The following TFAP2E variants were observed in gnomAD, a reference collection of about 807,000 sequenced individuals.
The protein encoded by TFAP2E is transcription factor AP-2 epsilon, also known as transcription factor AP-2-epsilon.
A neutral mutation model predicts 37.9 loss-of-function variants in TFAP2E; 30 were observed. The observed-to-expected ratio is 0.79, with a 90% CI of 0.59 to 1.07. The LOEUF (loss-of-function observed/expected upper bound fraction) is 1.07. Ranked by LOEUF, TFAP2E falls within the 50% of genes least tolerant of loss-of-function variation. The pLI is 0.00. For missense variants in TFAP2E, 567 were observed against 637.9 expected (o/e 0.89, Z 1.20); for synonymous variants, 318 against 295.8 (o/e 1.08, Z -0.77).
intron 3 of TFAP2E, among the ~76,000 whole-genome samples, chr1:35,576,265 A>G (rs192719339): frequency 2.0e-5 from 3 of 152,108 alleles, no homozygotes; most frequent in African/African-American, 7.2e-5. Flanking sequence ...TGGAGTGTGT[A>G]GCAGGGAAGA....
chr1:35,582,140 AT>A (rs781277453), intron 3 of TFAP2E, among the ~76,000 whole-genome samples: 11 of 152,002 alleles, frequency 7.2e-5, no homozygotes, highest in Non-Finnish European at 1.5e-4. Context: ...AGCCTCCCAA[AT>A]TGCTGGGATT....
rs1199855810 is a variant in TFAP2E at position 35,594,583 on chromosome 1, A to C, written c.1236A>C (p.Ser412=). 1.2e-6 allele frequency: 2 copies of C among 1,614,170 alleles called. No individual in the cohort carries two copies. The highest frequency in any genetic ancestry group is 4.5e-5 in the East Asian group (2 of 44,884). The change falls in exon 7 of 7, where the codon TCA becomes TCC. Residue 412 remains serine, a synonymous_variant. Transcript: ENST00000373235. ...LTAFQNYLLE[S]LKGLDKMFLS... is the part of the protein sequence containing the mutation. ...CCTTCCAGAACTATTTGCTGGAGTCACTCAAGGGGCTGGACAAGATGTTTC... is the reference window on the plus strand; with the variant it reads ...CCTTCCAGAACTATTTGCTGGAGTCCCTCAAGGGGCTGGACAAGATGTTTC...
intron 2 of TFAP2E, 45 bp from the exon 3 acceptor site, chr1:35,574,904 G>A (rs767235126): frequency 6.2e-6 from 10 of 1,613,172 alleles, no homozygotes. Context: ...GACATGGGCG[G>A]CTAGGGCTTT....
intron 3 of TFAP2E, among the ~76,000 whole-genome samples, chr1:35,587,739 G>A (rs1649526591): frequency 6.6e-6 from 1 of 152,094 alleles, no homozygotes; most frequent in Admixed American, 6.6e-5. Context: ...TGTTTGGGGA[G>A]GGGGTATAGG....
At chr1:35,585,483 C>T (rs549168420) in intron 3 of TFAP2E, among the ~76,000 whole-genome samples, 2 of 152,280 alleles carry the variant, frequency 1.3e-5, no homozygotes, top group East Asian at 3.9e-4. Flanking sequence ...TTGCTGTCCA[C>T]CAAGTGGCCA....
Position 35,574,240 on chromosome 1 carries a change from C to T in TFAP2E, c.341C>T (p.Pro114Leu), listed in dbSNP as rs1390622143. 7.8e-7 allele frequency: 1 copy of T among 1,286,682 alleles called. No individual in the cohort carries two copies. Among genetic ancestry groups the T allele is most frequent in the South Asian group, 1.7e-5 (1 of 59,236 alleles). The allele number at this position is 1,286,682 out of a possible 1,614,324, so 79.7% of individuals were successfully genotyped here. A position where few individuals can be genotyped will look rare whatever the true frequency, so the allele number is the denominator to read the frequency against. The stretch of plus-strand genomic sequence containing the variant: ...GCCGCCCGCGCCCACGAGGAGCCTC[C>T]CGGCCTGCTGGCACCGCCCGCCCGC... Reference protein sequence around the residue: ...RAAARAHEEPPGLLAPPARAL... With the variant: ...RAAARAHEEPLGLLAPPARAL... Residue 114 changes from proline (P) to leucine (L), a missense_variant, in exon 2 of 7, where the codon CCC becomes CTC. By Grantham distance (98) the Pro-to-Leu change is moderately conservative (BLOSUM62 -3). Transcript: ENST00000373235.
chr1:35,589,188 CTGTGTGTGTGTGTGTGTG>C (rs757213879), intron 4 of TFAP2E, among the ~76,000 whole-genome samples: 149 of 126,028 alleles, frequency 1.2e-3, no homozygotes, highest in Non-Finnish European at 1.7e-3. Flanking sequence ...GTGTCCTGCT[CTGTGTGTGTGTGTGTGTG>C]TGTGTGTGTG....
At position 35,573,317 on chromosome 1, in the gene TFAP2E, G is replaced by A. The variant is rs115802918; in HGVS notation, c.-261G>A. 5.7e-3 allele frequency: 2,518 copies of A among 438,180 alleles called. 11 individuals carry two copies. The highest frequency in any genetic ancestry group is 9.5e-3 in the Middle Eastern group (16 of 1,692). The allele number at this position is 438,180 out of a possible 1,614,324, so 27.1% of individuals were successfully genotyped here. ...GTGCATGGAGCAGGCTACGCTCAGA[G>A]GAGGAAGGGCGGGCGCTGGGCACCC... On this transcript the variant is annotated 5_prime_UTR_variant, in exon 1 of 7. Transcript: ENST00000373235. The surrounding 1 kb of genome is among the most constrained non-coding windows in gnomAD (Gnocchi z 5.9).
chr1:35,590,088 G>A lies in TFAP2E; in HGVS notation c.904+40G>A. Reference sequence around the variant, plus strand: ...AAGGTGGGCATGGGAGTGGATGTGAGGGCAAGTGAGTTGTCTGGTGTGACT... The same window carrying A: ...AAGGTGGGCATGGGAGTGGATGTGAAGGCAAGTGAGTTGTCTGGTGTGACT... On this transcript the variant is annotated intron_variant, in intron 5 of 6. Transcript: ENST00000373235. The surrounding 1 kb of genome is among the most constrained non-coding windows in gnomAD (Gnocchi z 6.2). 2 of 1,588,504 alleles carry A rather than the reference G, an allele frequency of 1.3e-6. No homozygotes were observed. Among genetic ancestry groups the A allele is most frequent in the Non-Finnish European group, 8.6e-7 (1 of 1,157,496 alleles).
At chr1:35,587,457 GT>G (rs1649513476) in intron 3 of TFAP2E, among the ~76,000 whole-genome samples, 1 of 151,976 alleles carries the variant, frequency 6.6e-6, no homozygotes, top group African/African-American at 2.4e-5. Context: ...GGCCAATATG[GT>G]GAAACCCCAT....
Position 35,574,040 on chromosome 1 carries a change from C to T in TFAP2E, c.141C>T (p.Ala47=). 6.7e-7 allele frequency: 1 copy of T among 1,485,024 alleles called. No individual in the cohort carries two copies. The highest frequency in any genetic ancestry group is 8.9e-7 in the Non-Finnish European group (1 of 1,123,248). 92.0% of individuals were successfully genotyped at this position (1,485,024 alleles called of 1,614,324 possible). ...PLCHTPAATA[A]AEFQPPYFPP... is the part of the protein sequence containing the mutation. ...GCCACACGCCGGCCGCCACAGCTGCCGCCGAATTCCAGCCGCCCTACTTCC... is the reference window on the plus strand; with the variant it reads ...GCCACACGCCGGCCGCCACAGCTGCTGCCGAATTCCAGCCGCCCTACTTCC... The change falls in exon 2 of 7, where the codon GCC becomes GCT. Residue 47 remains alanine, a synonymous_variant. Coordinates refer to ENST00000373235, the MANE Select transcript of TFAP2E (RefSeq NM_178548.4).
rs563943070 is a variant in TFAP2E at position 35,590,108 on chromosome 1, G to A, written c.904+60G>A. ...TGTGAGGGCAAGTGAGTTGTCTGGTGTGACTGTCTCTAATGCAGGAGGGTG... is the reference window on the plus strand; with the variant it reads ...TGTGAGGGCAAGTGAGTTGTCTGGTATGACTGTCTCTAATGCAGGAGGGTG... On this transcript the variant is annotated intron_variant, in intron 5 of 6. Transcript: ENST00000373235. This position sits in a 1 kb window ranked among gnomAD's most constrained non-coding sequence, Gnocchi z 6.2. The A allele has an allele frequency of 1.7e-5, 25 of 1,512,690 alleles. No individual in the cohort carries two copies. In the Admixed American group the frequency reaches 3.0e-4, roughly 18 times the overall value. The allele number at this position is 1,512,690 out of a possible 1,614,324, so 93.7% of individuals were successfully genotyped here.
Position 35,589,188 on chromosome 1 carries a change from CTGTGTGTGTGTGTGTGTGTGTGTG to C in TFAP2E, c.785+661_785+684del, listed in dbSNP as rs757213879. Among the ~76,000 whole-genome samples the C allele has an allele frequency of 4.0e-3, 505 of 126,030 alleles. 1 individual carries two copies. Among genetic ancestry groups the C allele is most frequent in the African/African-American group, 0.015 (472 of 32,322 alleles). The allele number at this position is 126,030 out of a possible 152,430, so 82.7% of individuals were successfully genotyped here. A position where few individuals can be genotyped will look rare whatever the true frequency, so the allele number is the denominator to read the frequency against. ...TGTGTGGCCTAGGGTGTGTCCTGCTCTGTGTGTGTGTGTGTGTGTGTGTGTGTGTGTGTGTGTGTGTGTGTGTGA... is the reference window on the plus strand; with the variant it reads ...TGTGTGGCCTAGGGTGTGTCCTGCTCTGTGTGTGTGTGTGTGTGTGTGTGA... On this transcript the variant is annotated intron_variant, in intron 4 of 6. Coordinates refer to ENST00000373235, the MANE Select transcript of TFAP2E (RefSeq NM_178548.4).
chr1:35,593,260 A>G (rs943495428), intron 6 of TFAP2E, among the ~76,000 whole-genome samples: 1 of 152,086 alleles, frequency 6.6e-6, no homozygotes, highest in African/African-American at 2.4e-5. Context: ...GACTGCAGTG[A>G]GCTGGGATCA....
intron 3 of TFAP2E, among the ~76,000 whole-genome samples, chr1:35,584,838 T>C (rs1009480772): frequency 6.6e-6 from 1 of 152,116 alleles, no homozygotes; most frequent in Non-Finnish European, 1.5e-5. Flanking sequence ...CTGGCCTCAT[T>C]TGTAGTTTTA....
chr1:35,574,276 T>A lies in TFAP2E; in HGVS notation c.377T>A (p.Leu126His). The change falls in exon 2 of 7, where the codon CTT becomes CAT. Residue 126 changes from leucine (L) to histidine (H), a missense_variant. Coordinates refer to ENST00000373235, the MANE Select transcript of TFAP2E (RefSeq NM_178548.4). ...LLAPPARALG[L>H]DPRRDYATAV... ...GCACCGCCCGCCCGCGCCCTGGGCC[T>A]TGACCCGCGCCGTGACTATGCCACT... 2 of 1,409,164 alleles carry A rather than the reference T, an allele frequency of 1.4e-6. No individual in the cohort carries two copies. The highest frequency in any genetic ancestry group is 1.8e-6 in the Non-Finnish European group (2 of 1,082,176). The allele number at this position is 1,409,164 out of a possible 1,614,324, so 87.3% of individuals were successfully genotyped here. A position where few individuals can be genotyped will look rare whatever the true frequency, so the allele number is the denominator to read the frequency against.
chr1:35,575,111 C>T, intron 3 of TFAP2E, 111 bp downstream of exon 3: 1 of 1,371,444 alleles, frequency 7.3e-7, no homozygotes, highest in Admixed American at 1.8e-5. Context: ...GCTGGGTGTC[C>T]ACCAGGCACT....
At position 35,590,898 on chromosome 1, in the gene TFAP2E, T is replaced by C. The variant is rs2148553909; in HGVS notation, c.1046+123T>C. ...GCACACATGCGTATTTGCGCACCAC[T>C]GTGTACACGAGCAGTGGGCACACAC... On this transcript the variant is annotated intron_variant, in intron 6 of 6. Coordinates refer to ENST00000373235, the MANE Select transcript of TFAP2E (RefSeq NM_178548.4). The surrounding 1 kb of genome is among the most constrained non-coding windows in gnomAD (Gnocchi z 6.2). 1.7e-6 allele frequency: 2 copies of C among 1,165,988 alleles called. No homozygotes were observed. The highest frequency in any genetic ancestry group is 6.1e-5 in the East Asian group (2 of 33,004). 72.2% of individuals were successfully genotyped at this position (1,165,988 alleles called of 1,614,324 possible).
chr1:35,584,430 T>C (rs1381056003), intron 3 of TFAP2E, among the ~76,000 whole-genome samples: 1 of 152,124 alleles, frequency 6.6e-6, no homozygotes, highest in Non-Finnish European at 1.5e-5. Context: ...TTAATAGCAG[T>C]TGGATGGAGA....
Sources: allele counts gnomAD v4.1 joint callset (sites outside exome capture counted in the v4.1 genomes callset), GRCh38; gene constraint gnomAD v4.1.1; non-coding constraint Gnocchi (gnomAD v3.1); transcripts MANE v1.5; gene names NCBI Gene and HGNC (gene_info 2026-07-23, HGNC 2026-07-21).